The following DMD variants were observed in gnomAD, a reference collection of about 807,000 sequenced individuals.
The protein encoded by DMD is dystrophin.
Under a neutral mutation model 330.1 loss-of-function variants are expected in DMD, and 63 were observed. The observed-to-expected ratio is 0.19, with a 90% CI of 0.16 to 0.24. The LOEUF is 0.24. Among genes scored for constraint, DMD ranks in the 10% least tolerant of loss-of-function variants. The pLI is 1.00. For missense variants in DMD, 3,344 were observed against 2,684.1 expected, an observed-to-expected ratio of 1.25 and a Z score of -5.43; for synonymous variants, 1,223 against 959.8, an observed-to-expected ratio of 1.27 and a Z score of -5.07.
intron 18 of DMD, among the ~76,000 whole-genome samples, chrX:32,510,241 C>T (rs1176382233): frequency 9.0e-6 from 1 of 111,676 alleles, no homozygotes; most frequent in Non-Finnish European, 1.9e-5. Context: ...CAGCCACACG[C>T]TTACCTTTTC....
intron 44 of DMD, among the ~76,000 whole-genome samples, chrX:32,127,721 T>C (rs2096668665): frequency 8.9e-6 from 1 of 112,260 alleles, no homozygotes; most frequent in Non-Finnish European, 1.9e-5. Context: ...TTTTCCTCAA[T>C]GATCAAGCAT....
intron 7 of DMD, among the ~76,000 whole-genome samples, chrX:32,781,804 TAAGG>T (rs1317470793): frequency 1.8e-5 from 2 of 111,271 alleles, no homozygotes; most frequent in African/African-American, 6.5e-5. Context: ...AGCCTAAACA[TAAGG>T]AAGAATGCTC....
intron 11 of DMD, among the ~76,000 whole-genome samples, chrX:32,642,621 G>A (rs779851143): frequency 8.9e-6 from 1 of 112,139 alleles, no homozygotes; most frequent in African/African-American, 3.2e-5. Flanking sequence ...ACAGATAAAA[G>A]ACTTTTTTTA....
intron 24 of DMD, among the ~76,000 whole-genome samples, 174 bp downstream of exon 24, chrX:32,464,412 A>C (rs1027113471): frequency 2.7e-5 from 3 of 110,410 alleles, no homozygotes; most frequent in African/African-American, 9.9e-5. Context: ...AGACACCAGT[A>C]GCATCTAACC....
chrX:32,381,687 C>G (rs765814148), intron 33 of DMD, among the ~76,000 whole-genome samples: 1 of 111,228 alleles, frequency 9.0e-6, no homozygotes, highest in African/African-American at 3.3e-5. Context: ...ACTTGCAAAT[C>G]GTTAATTACA....
At chrX:32,471,629 G>T (rs967143882) in intron 22 of DMD, among the ~76,000 whole-genome samples, 1 of 111,499 alleles carries the variant, frequency 9.0e-6, no homozygotes, top group Non-Finnish European at 1.9e-5. Context: ...CATTGTATTA[G>T]GCATTATAAG....
chrX:32,539,172 CTTT>C (rs71980872), intron 17 of DMD, among the ~76,000 whole-genome samples: 8 of 95,395 alleles, frequency 8.4e-5, no homozygotes, highest in Admixed American at 1.2e-4. Flanking sequence ...ATTTCTATTT[CTTT>C]TTTTTTTTTT....
chrX:31,123,636 A>AAGAT (rs767171491), intron 78 of DMD, among the ~76,000 whole-genome samples: 10 of 112,105 alleles, frequency 8.9e-5, no homozygotes, highest in African/African-American at 1.3e-4. Flanking sequence ...GCATAAATTG[A>AAGAT]AGATAGATGG....
chrX:32,383,488 G>T (rs1282712467), intron 33 of DMD, among the ~76,000 whole-genome samples: 4 of 110,998 alleles, frequency 3.6e-5, no homozygotes, highest in Non-Finnish European at 7.6e-5. Flanking sequence ...TCAAAATCCA[G>T]ACAATATTTT....
At chrX:32,417,360 G>A (rs114045976) in intron 29 of DMD, among the ~76,000 whole-genome samples, 152 of 110,869 alleles carry the variant, frequency 1.4e-3, no homozygotes, top group African/African-American at 4.8e-3. Flanking sequence ...TCCGTAAGGG[G>A]GAAAAGAAGA....
chrX:32,879,539 GTTCA>G (rs1269280917), intron 2 of DMD, among the ~76,000 whole-genome samples: 4 of 112,086 alleles, frequency 3.6e-5, no homozygotes, highest in African/African-American at 1.3e-4. Context: ...AGTGATCGTC[GTTCA>G]TTCAAAAAAT....
At chrX:31,194,066 A>C (rs933917356) in intron 67 of DMD, among the ~76,000 whole-genome samples, 12 of 110,881 alleles carry the variant, frequency 1.1e-4, no homozygotes, top group African/African-American at 3.9e-4. Context: ...CTGTAATCCC[A>C]GCTACTCCTG....
At chrX:31,614,349 C>CAGAG (rs765683163) in intron 55 of DMD, among the ~76,000 whole-genome samples, 72 of 111,583 alleles carry the variant, frequency 6.5e-4, no homozygotes, top group African/African-American at 2.3e-3. Flanking sequence ...TTGTAACTCC[C>CAGAG]AGAGAATAAT....
chrX:32,654,762 C>T (rs1488606148), intron 9 of DMD, among the ~76,000 whole-genome samples: 1 of 111,482 alleles, frequency 9.0e-6, no homozygotes, highest in African/African-American at 3.3e-5. Context: ...TAGAATTCGG[C>T]TGTGAATCCA....
At chrX:32,363,004 G>A (rs759942598) in intron 36 of DMD, 46 bp from the exon 37 acceptor site, 3 of 1,133,138 alleles carry the variant, frequency 2.6e-6, no homozygotes, top group Non-Finnish European at 3.6e-6. Flanking sequence ...AGTAATTAAT[G>A]AAGGTCAAGA....
chrX:32,271,317 A>G (rs1569555231), intron 43 of DMD, among the ~76,000 whole-genome samples: 1 of 112,563 alleles, frequency 8.9e-6, no homozygotes, highest in Non-Finnish European at 1.9e-5. Flanking sequence ...TGTGCATCTA[A>G]ATTGTCATTT....
At chrX:32,634,308 C>T (rs1225864199) in intron 11 of DMD, among the ~76,000 whole-genome samples, 1 of 111,589 alleles carries the variant, frequency 9.0e-6, no homozygotes, top group Non-Finnish European at 1.9e-5. Flanking sequence ...CCCTAGGAGC[C>T]CACTTGATGC....
At chrX:32,380,814 AT>A in intron 33 of DMD, 134 bp from the exon 34 acceptor site, 1 of 530,786 alleles carries the variant, frequency 1.9e-6, no homozygotes, top group Non-Finnish European at 2.9e-6. Flanking sequence ...ATAATATTTT[AT>A]AAAAATCATA....
intron 2 of DMD, among the ~76,000 whole-genome samples, chrX:33,008,926 A>G (rs143069875): frequency 0.28 from 14,039 of 50,550 alleles, 2,232 homozygotes; most frequent in African/African-American, 0.32. Context: ...GTATATATAC[A>G]TGTATATATA....
Sources: allele counts gnomAD v4.1 joint callset (sites outside exome capture counted in the v4.1 genomes callset), GRCh38; gene constraint gnomAD v4.1.1; transcripts MANE v1.5; gene names NCBI Gene and HGNC (gene_info 2026-07-23, HGNC 2026-07-21).